The following NBN variants were observed in gnomAD, a reference collection of about 807,000 sequenced individuals.
The protein encoded by NBN is nibrin.
A neutral mutation model predicts 90.8 loss-of-function variants in NBN; 88 were observed. That is an observed-to-expected ratio of 0.97 (90% confidence interval 0.82 to 1.16). The LOEUF is 1.16. Ranked by LOEUF, NBN falls within the 50% of genes most tolerant of loss-of-function variation. The pLI, the probability that NBN is intolerant of heterozygous loss-of-function variation, is 0.00. For synonymous variants in NBN, 328 were observed against 295.1 expected (o/e 1.11, Z -1.14); for missense variants, 894 against 869.6 (o/e 1.03, Z -0.35).
At chr8:89,942,507 A>C (rs13312954) in intron 14 of NBN, among the ~76,000 whole-genome samples, 6,338 of 152,282 alleles carry the variant, frequency 0.042, 270 homozygotes, top group East Asian at 0.19. Context: ...AACAAGGTAC[A>C]TAAGAGCAGA....
At chr8:89,941,844 C>T (rs918286704) in intron 14 of NBN, among the ~76,000 whole-genome samples, 3 of 152,092 alleles carry the variant, frequency 2.0e-5, no homozygotes, top group African/African-American at 7.2e-5. Flanking sequence ...AATAAGTATC[C>T]TGAGTGACCT....
intron 11 of NBN, among the ~76,000 whole-genome samples, chr8:89,951,220 G>C (rs1303535576): frequency 6.7e-6 from 1 of 149,052 alleles, no homozygotes; most frequent in Non-Finnish European, 1.5e-5. Flanking sequence ...GCTGAGGCAG[G>C]AGAATGGCGT....
intron 11 of NBN, among the ~76,000 whole-genome samples, chr8:89,952,603 G>C (rs1363230262): frequency 6.6e-6 from 1 of 152,126 alleles, no homozygotes; most frequent in Admixed American, 6.5e-5. Flanking sequence ...TATTCTGCAG[G>C]TGTTACTGGA....
rs776417262 is a variant in NBN at position 89,953,448 on chromosome 8, TG to T, written c.1640del (p.Ser547Ter). 3 of 1,613,868 alleles carry T rather than the reference TG, an allele frequency of 1.9e-6. No individual in the cohort carries two copies. Among genetic ancestry groups the T allele is most frequent in the South Asian group, 2.2e-5 (2 of 91,062 alleles). Reference protein sequence around the residue: ...SKSHAAEKLRSNKKREMDDVA... With the variant: ...SKSHAAEKLRXNKKREMDDVA... ...CATCATCCATTTCCCTTTTTTTATT[TG>T]ATCTTAGCTTTTCTGCAGCATGAGA... is the stretch of plus-strand genomic sequence containing the variant. On this transcript the variant is annotated frameshift_variant, in exon 11 of 16. Coordinates refer to ENST00000265433, the MANE Select transcript of NBN (RefSeq NM_002485.5). LOFTEE classifies it high-confidence loss of function.
At chr8:89,950,411 AAAT>A (rs1009357549) in intron 11 of NBN, among the ~76,000 whole-genome samples, 3 of 152,118 alleles carry the variant, frequency 2.0e-5, no homozygotes, top group African/African-American at 7.2e-5. Context: ...ATTGTTTAGG[AAAT>A]AATAATTTTT....
intron 8 of NBN, among the ~76,000 whole-genome samples, chr8:89,963,900 C>G (rs185544666): frequency 6.6e-6 from 1 of 152,196 alleles, no homozygotes; most frequent in Non-Finnish European, 1.5e-5. Context: ...TCTCCTCTTA[C>G]ACTGTCGACC....
chr8:89,953,813 A>G lies in NBN; in HGVS notation c.1398-122T>C. 3 of 755,088 alleles carry G rather than the reference A, an allele frequency of 4.0e-6. No homozygotes were observed. In the South Asian group the frequency reaches 5.1e-5, roughly 13 times the overall value. 46.8% of individuals were successfully genotyped at this position (755,088 alleles called of 1,614,324 possible). ...TCACAATGTACTCTTGATTTTATTA[A>G]CAATATTACTGGAAATCAACAAATA... On this transcript the variant is annotated intron_variant, in intron 10 of 15. Transcript: ENST00000265433.
In NBN at chr8:89,958,843, T is replaced by C. The variant is rs1554560506; in HGVS notation, c.1006A>G (p.Thr336Ala). 5 of 1,613,792 alleles carry C rather than the reference T, an allele frequency of 3.1e-6. No homozygotes were observed. The highest frequency in any genetic ancestry group is 4.2e-6 in the Non-Finnish European group (5 of 1,179,726). ...TGTGAAAGGCTTGGTCCTGGAGTTG[T>C]TGTCTTTAATCCTGTAAATCACACA... ...QGHPSTGLKT[T>A]TPGPSLSQGV... is the part of the protein sequence containing the mutation. Residue 336 changes from threonine to alanine, a missense_variant, in exon 9 of 16, where the codon ACA (threonine) becomes GCA (alanine). Coordinates refer to ENST00000265433, the MANE Select transcript of NBN (RefSeq NM_002485.5).
intron 7 of NBN, among the ~76,000 whole-genome samples, chr8:89,965,709 C>T (rs1194442800): frequency 1.3e-5 from 2 of 152,036 alleles, no homozygotes; most frequent in African/African-American, 2.4e-5. Flanking sequence ...AGGCTGGTAT[C>T]GAACTCCTGG....
rs767013459 is a variant in NBN at position 89,970,482 on chromosome 8, G to T, written c.778C>A (p.His260Asn). ...RLITEENEEE[H>N]NFFLAPGTCV... ...GTTCCCGGAGCCAAAAAGAAATTAT[G>T]TTCTTCTTCATTCTCTTCTGTTATC... Residue 260 changes from histidine to asparagine, a missense_variant, in exon 7 of 16, where the codon CAT becomes AAT. By Grantham distance (68) the His-to-Asn change is moderately conservative (BLOSUM62 1). Coordinates refer to ENST00000265433, the MANE Select transcript of NBN (RefSeq NM_002485.5). The T allele has an allele frequency of 3.7e-6, 6 of 1,613,596 alleles. No homozygotes were observed. The highest frequency in any genetic ancestry group is 4.2e-6 in the Non-Finnish European group (5 of 1,179,730).
At chr8:89,982,391 T>C (rs1170313280) in intron 2 of NBN, 5 of 363,682 alleles carry the variant, frequency 1.4e-5, no homozygotes, top group South Asian at 2.5e-5. Flanking sequence ...TTACTGCTAA[T>C]GGCAAAAACA....
At chr8:89,942,694 G>A (rs1230698960) in intron 14 of NBN, among the ~76,000 whole-genome samples, 1 of 152,124 alleles carries the variant, frequency 6.6e-6, no homozygotes, top group Admixed American at 6.5e-5. Flanking sequence ...TAGTAAATCG[G>A]AAGATGATCT....
rs781303760 is a variant in NBN at position 89,971,160 on chromosome 8, A to G, written c.702+13T>C. ...TGTATTCTTTAGGAAAATTTAGCTT[A>G]TAACATAATTACCTGTTTGGCATTC... On this transcript the variant is annotated intron_variant, in intron 6 of 15. Transcript: ENST00000265433. 4.3e-6 allele frequency: 7 copies of G among 1,609,500 alleles called. No individual in the cohort carries two copies. The South Asian group carries it at 7.7e-5, about 18-fold the overall frequency.
In NBN at chr8:89,955,366, A is replaced by G. The variant is rs1057521491; in HGVS notation, c.1314T>C (p.Ser438=). 4 of 1,613,796 alleles carry G rather than the reference A, an allele frequency of 2.5e-6. No homozygotes were observed. Among genetic ancestry groups the G allele is most frequent in the Non-Finnish European group, 3.4e-6 (4 of 1,179,776 alleles). The change falls in exon 10 of 16, where the codon AGT becomes AGC. Residue 438 remains serine, a synonymous_variant. Coordinates refer to ENST00000265433, the MANE Select transcript of NBN (RefSeq NM_002485.5). ...AAGCCCTATCTTTACTTTTATTTATACTTGGCAATTTAGTTGGTGAAAGCT... is the reference window on the plus strand; with the variant it reads ...AAGCCCTATCTTTACTTTTATTTATGCTTGGCAATTTAGTTGGTGAAAGCT... ...NYQLSPTKLP[S]INKSKDRASQ...
rs1812223501 is a variant in NBN, at chr8:89,984,298, C to G, written c.37+227G>C. Reference sequence around the variant, plus strand: ...GGGGAGGGGCGCGGAGGACTGCCACCAGGGGGCGCCGCAATCACCCCACCG... The same window carrying G: ...GGGGAGGGGCGCGGAGGACTGCCACGAGGGGGCGCCGCAATCACCCCACCG... On this transcript the variant is annotated intron_variant, in intron 1 of 15. Coordinates refer to ENST00000265433, the MANE Select transcript of NBN (RefSeq NM_002485.5). 3 of 612,918 alleles carry G rather than the reference C, an allele frequency of 4.9e-6. No homozygotes were observed. The Admixed American group carries it at 8.2e-5, about 17-fold the overall frequency. The allele number at this position is 612,918 out of a possible 1,614,324, so 38.0% of individuals were successfully genotyped here.
chr8:89,945,261 G>A (rs13312948), intron 13 of NBN, among the ~76,000 whole-genome samples: 6,030 of 152,262 alleles, frequency 0.04, 159 homozygotes, highest in Middle Eastern at 0.095. Flanking sequence ...GTGAGAAAAA[G>A]TGGTGTTAAA....
In NBN at chr8:89,933,394, A is replaced by G. The variant is rs190894937; in HGVS notation, c.*2188T>C. 1.1e-3 allele frequency: 249 copies of G among 225,162 alleles called. No homozygotes were observed. Among genetic ancestry groups the G allele is most frequent in the Non-Finnish European group, 1.8e-3 (198 of 113,064 alleles). 13.9% of individuals were successfully genotyped at this position (225,162 alleles called of 1,614,324 possible). A position where few individuals can be genotyped will look rare whatever the true frequency, so the allele number is the denominator to read the frequency against. On this transcript the variant is annotated 3_prime_UTR_variant, in exon 16 of 16. Coordinates refer to ENST00000265433, the MANE Select transcript of NBN (RefSeq NM_002485.5). ...ACTTAAGGAGCATCTATGCAGCTACAGTAATTCAAGGCAGTATGGTATGAG... is the reference window on the plus strand; with the variant it reads ...ACTTAAGGAGCATCTATGCAGCTACGGTAATTCAAGGCAGTATGGTATGAG...
Position 89,953,293 on chromosome 8 carries a change from G to A in NBN, c.1796C>T (p.Thr599Ile), listed in dbSNP as rs775848374. The A allele has an allele frequency of 1.2e-6, 2 of 1,613,176 alleles. No individual in the cohort carries two copies. Residue 599 changes from threonine to isoleucine, a missense_variant, in exon 11 of 16, where the codon ACA (threonine) becomes ATA (isoleucine). By Grantham distance (89) the Thr-to-Ile change is moderately conservative (BLOSUM62 -1). Coordinates refer to ENST00000265433, the MANE Select transcript of NBN (RefSeq NM_002485.5). Reference protein sequence around the residue: ...VRKRPRMDIETNDTFSDEAVP... With the variant: ...VRKRPRMDIEINDTFSDEAVP... ...TGCTTCATCACTGAAAGTGTCATTT[G>A]TTTCTATATCCATCCTTGGCCTTTT...
At chr8:89,958,653 C>T in intron 9 of NBN, 72 bp downstream of exon 9, 1 of 1,510,378 alleles carries the variant, frequency 6.6e-7, no homozygotes, top group East Asian at 2.3e-5. Context: ...TGATAAAGGG[C>T]ATTACTTCCT....
Sources: allele counts gnomAD v4.1 joint callset (sites outside exome capture counted in the v4.1 genomes callset), GRCh38; gene constraint gnomAD v4.1.1; transcripts MANE v1.5; gene names NCBI Gene and HGNC (gene_info 2026-07-23, HGNC 2026-07-21).